KIAA1549L: variants seen among roughly 807,000 people sequenced by gnomAD.
The protein encoded by KIAA1549L is KIAA1549 like.
Under a neutral mutation model 160.7 loss-of-function variants are expected in KIAA1549L, and 88 were observed. The observed-to-expected ratio is 0.55, with a 90% CI of 0.46 to 0.65. The LOEUF is 0.65. Among genes scored for constraint, KIAA1549L ranks in the 30% least tolerant of loss-of-function variants. KIAA1549L has a pLI of 0.00. For synonymous variants in KIAA1549L, 950 were observed against 976.7 expected (o/e 0.97, Z 0.51); for missense variants, 2,258 against 2,437.5 (o/e 0.93, Z 1.55).
intron 1 of KIAA1549L, among the ~76,000 whole-genome samples, chr11:33,381,814 A>G (rs972311874): frequency 6.6e-6 from 1 of 152,146 alleles, no homozygotes; most frequent in Non-Finnish European, 1.5e-5. Flanking sequence ...ATGTCTCTTG[A>G]AGATAGAGCT....
rs1050280424 is a variant in KIAA1549L, at chr11:33,659,241, G to A, written c.6007+343G>A. Among the ~76,000 whole-genome samples, 22 of 152,162 alleles carry A rather than the reference G, an allele frequency of 1.4e-4. 1 individual carries two copies. Among genetic ancestry groups the A allele is most frequent in the African/African-American group, 4.6e-4 (19 of 41,498 alleles). Reference sequence around the variant, plus strand: ...TCCCCTTCTCTCAAAAGGTGATCCCGGGCTTCAGGTGATAGGTTTTAATCC... The same window carrying A: ...TCCCCTTCTCTCAAAAGGTGATCCCAGGCTTCAGGTGATAGGTTTTAATCC... On this transcript the variant is annotated intron_variant, in intron 19 of 20. Coordinates refer to ENST00000658780, the MANE Select transcript of KIAA1549L (RefSeq NM_012194.3).
Position 33,545,528 on chromosome 11 carries a change from T to A in KIAA1549L, c.3385+150T>A. ...GGCTATGTCTGGAGACATTTTTGGT[T>A]GTTATGCTTGATGGCTGGAGATACT... On this transcript the variant is annotated intron_variant, in intron 3 of 20. Transcript: ENST00000658780. 3.1e-6 allele frequency: 3 copies of A among 959,154 alleles called. No homozygotes were observed. In the South Asian group the frequency reaches 5.2e-5, roughly 17 times the overall value. The allele number at this position is 959,154 out of a possible 1,614,324, so 59.4% of individuals were successfully genotyped here.
intron 1 of KIAA1549L, among the ~76,000 whole-genome samples, chr11:33,388,034 T>C (rs1208895513): frequency 1.3e-5 from 2 of 152,168 alleles, no homozygotes; most frequent in South Asian, 2.1e-4. Context: ...AAGTAATATA[T>C]ATTTTATTAA....
chr11:33,416,550 T>C (rs1850893446), intron 1 of KIAA1549L, among the ~76,000 whole-genome samples: 1 of 152,148 alleles, frequency 6.6e-6, no homozygotes, highest in African/African-American at 2.4e-5. Context: ...TACATTTCAT[T>C]AGGTATTATA....
intron 1 of KIAA1549L, among the ~76,000 whole-genome samples, chr11:33,414,683 G>A (rs1850853509): frequency 6.6e-6 from 1 of 152,192 alleles, no homozygotes; most frequent in Admixed American, 6.5e-5. Context: ...AACAACAAGC[G>A]ACCTTTCCCA....
intron 1 of KIAA1549L, among the ~76,000 whole-genome samples, chr11:33,386,974 G>T (rs1470613162): frequency 6.6e-6 from 1 of 151,976 alleles, no homozygotes; most frequent in Non-Finnish European, 1.5e-5. Flanking sequence ...AGGTATGGTG[G>T]TGCACACCTA....
At chr11:33,601,951 AAG>A (rs1351872321) in intron 13 of KIAA1549L, among the ~76,000 whole-genome samples, 1 of 152,216 alleles carries the variant, frequency 6.6e-6, no homozygotes, top group Non-Finnish European at 1.5e-5. Flanking sequence ...TGAAAGCAAA[AAG>A]AGTTTGGTGC....
At chr11:33,534,249 A>C (rs1590318055) in intron 1 of KIAA1549L, among the ~76,000 whole-genome samples, 1 of 142,570 alleles carries the variant, frequency 7.0e-6, no homozygotes, top group South Asian at 2.2e-4. Flanking sequence ...CGCCCAGCTA[A>C]TTTTTTTTTT....
Position 33,435,724 on chromosome 11 carries a change from G to A in KIAA1549L, c.238+58835G>A, listed in dbSNP as rs148951540. On this transcript the variant is annotated intron_variant, in intron 1 of 20. Coordinates refer to ENST00000658780, the MANE Select transcript of KIAA1549L (RefSeq NM_012194.3). ...AAGTAACCCTGAAGTAGTATATTTA[G>A]TAGTCTAGGCCTTCCAGAGAAACAG... Among the ~76,000 whole-genome samples, 859 of 128,950 alleles carry A rather than the reference G, an allele frequency of 6.7e-3. 6 individuals are homozygous for A. The highest frequency in any genetic ancestry group is 0.011 in the Non-Finnish European group (676 of 62,896). The allele number at this position is 128,950 out of a possible 152,430, so 84.6% of individuals were successfully genotyped here.
Position 33,651,381 on chromosome 11 carries a change from G to A in KIAA1549L, c.5761-4631G>A, listed in dbSNP as rs527671584. Among the ~76,000 whole-genome samples, 5 of 151,288 alleles carry A rather than the reference G, an allele frequency of 3.3e-5. 1 individual carries two copies. In the East Asian group the frequency reaches 9.8e-4, roughly 30 times the overall value. On this transcript the variant is annotated intron_variant, in intron 17 of 20. Transcript: ENST00000658780. ...GAACCTGGGAGGCAGAGGTTGCAGT[G>A]AGCCGAGATCACGCCATTGCACTCC...
intron 1 of KIAA1549L, among the ~76,000 whole-genome samples, chr11:33,415,479 G>A (rs529958084): frequency 6.6e-6 from 1 of 152,176 alleles, no homozygotes; most frequent in Non-Finnish European, 1.5e-5. Context: ...GCAAACAAAT[G>A]TGTCACCCAG....
chr11:33,652,373 G>A (rs1851921755), intron 17 of KIAA1549L, among the ~76,000 whole-genome samples: 1 of 152,282 alleles, frequency 6.6e-6, no homozygotes, highest in East Asian at 1.9e-4. Flanking sequence ...TCTGTGTTTT[G>A]TGTGGCTCGC....
At position 33,458,173 on chromosome 11, in the gene KIAA1549L, A is replaced by G. The variant is rs1019341107; in HGVS notation, c.238+81284A>G. On this transcript the variant is annotated intron_variant, in intron 1 of 20. Transcript: ENST00000658780. ...CCTTGTGGTGTGGGTTGGCGCTGGC[A>G]AAGAAGGTGGGGCCAGCACAGGGCC... 2.0e-5 allele frequency among the ~76,000 whole-genome samples: 3 copies of G among 152,242 alleles called. No homozygotes were observed. In the South Asian group the frequency reaches 6.2e-4, roughly 31 times the overall value.
In KIAA1549L at chr11:33,668,216, A is replaced by G. The variant is rs1242029731; in HGVS notation, c.*62A>G. On this transcript the variant is annotated 3_prime_UTR_variant, in exon 21 of 21. Transcript: ENST00000658780. The stretch of plus-strand genomic sequence containing the variant: ...TGAGGACTCAGCCTTTGGGTTTCCC[A>G]TGCCTACGTGTTAGGACTTGAGACA... 2.0e-6 allele frequency: 3 copies of G among 1,500,080 alleles called. No homozygotes were observed. The highest frequency in any genetic ancestry group is 2.8e-5 in the African/African-American group (2 of 72,420). The allele number at this position is 1,500,080 out of a possible 1,614,324, so 92.9% of individuals were successfully genotyped here.
intron 1 of KIAA1549L, among the ~76,000 whole-genome samples, chr11:33,492,210 A>C (rs1444088175): frequency 6.6e-6 from 1 of 152,180 alleles, no homozygotes; most frequent in Non-Finnish European, 1.5e-5. Flanking sequence ...CTACCAAAAA[A>C]TACAAAAATT....
At chr11:33,454,697 T>C (rs1851786018) in intron 1 of KIAA1549L, among the ~76,000 whole-genome samples, 1 of 152,174 alleles carries the variant, frequency 6.6e-6, no homozygotes, top group African/African-American at 2.4e-5. Flanking sequence ...GCATCCATCC[T>C]AATGTCTAAA....
chr11:33,671,314 A>G lies in KIAA1549L; in HGVS notation c.*3160A>G, dbSNP rs909521944. ...TGACTTTGTGTCACTGTGAGGCAGC[A>G]GAGTCCATGCTCTGCATCAGGGGAG... On this transcript the variant is annotated 3_prime_UTR_variant, in exon 21 of 21. Transcript: ENST00000658780. The G allele has an allele frequency of 3.9e-5, 6 of 152,234 alleles. No homozygotes were observed. The highest frequency in any genetic ancestry group is 1.2e-4 in the African/African-American group (5 of 41,448). 9.4% of individuals were successfully genotyped at this position (152,234 alleles called of 1,614,324 possible).
intron 1 of KIAA1549L, among the ~76,000 whole-genome samples, chr11:33,442,282 C>G (rs532626782): frequency 3.4e-5 from 5 of 146,474 alleles, no homozygotes; most frequent in African/African-American, 7.5e-5. Flanking sequence ...TGATCTATAT[C>G]TCTGTTTTGG....
intron 1 of KIAA1549L, among the ~76,000 whole-genome samples, chr11:33,416,580 A>C (rs1167141440): frequency 6.6e-6 from 1 of 152,218 alleles, no homozygotes; most frequent in African/African-American, 2.4e-5. Flanking sequence ...GATATGATTT[A>C]AACCATATGG....
Sources: gnomAD v4.1 joint callset for allele counts (sites outside exome capture counted in the v4.1 genomes callset) on GRCh38, gnomAD v4.1.1 for gene constraint, MANE v1.5 for transcripts, NCBI Gene and HGNC (gene_info 2026-07-23, HGNC 2026-07-21) for gene names.